OPRM1: variants seen among roughly 807,000 people sequenced by gnomAD.
OPRM1 encodes the protein mu-type opioid receptor.
Under a neutral mutation model 31.8 loss-of-function variants are expected in OPRM1, and 27 were observed. That is an observed-to-expected ratio of 0.85 (90% CI 0.63 to 1.17). The LOEUF (loss-of-function observed/expected upper bound fraction) is 1.17. OPRM1 is among the 50% of genes most tolerant of loss of function. The pLI, the probability that OPRM1 is intolerant of heterozygous loss-of-function variation, is 0.00. For missense variants in OPRM1, 536 were observed against 511.1 expected (o/e 1.05, Z -0.47); for synonymous variants, 196 against 189.9 (o/e 1.03, Z -0.26).
intron 3 of OPRM1, among the ~76,000 whole-genome samples, chr6:154,179,106 A>G (rs1435067367): frequency 6.6e-6 from 1 of 152,168 alleles, no homozygotes; most frequent in Admixed American, 6.6e-5. Context: ...AGGTCTTCAC[A>G]GGGCCATAAA....
At position 154,091,820 on chromosome 6, in the gene OPRM1, A is replaced by C. The variant is rs888151567; in HGVS notation, c.1164+348A>C. On this transcript the variant is annotated intron_variant, in intron 3 of 3. Coordinates refer to ENST00000330432, the MANE Select transcript of OPRM1 (RefSeq NM_000914.5). ...TTCATTTTCCCCAGAATTATTATATAATTCATAGATGTTGCTGCAATACCC... is the reference window on the plus strand; with the variant it reads ...TTCATTTTCCCCAGAATTATTATATCATTCATAGATGTTGCTGCAATACCC... 3.7e-5 allele frequency: 38 copies of C among 1,022,052 alleles called. No homozygotes were observed. In the African/African-American group the frequency reaches 5.7e-4, roughly 15 times the overall value. 63.3% of individuals were successfully genotyped at this position (1,022,052 alleles called of 1,614,324 possible).
intron 1 of OPRM1, chr6:154,087,769 C>A: frequency 5.9e-6 from 1 of 169,744 alleles, no homozygotes; most frequent in Non-Finnish European, 1.2e-5. Context: ...ATGAGTGGTT[C>A]CCAGAGTGAA....
intron 3 of OPRM1, among the ~76,000 whole-genome samples, chr6:154,102,490 G>C (rs948694493): frequency 2.0e-5 from 3 of 151,982 alleles, no homozygotes; most frequent in African/African-American, 7.3e-5. Context: ...TTCATCTCTT[G>C]TAAATAGCAT....
rs1184427296 is a variant in OPRM1 at position 154,127,912 on chromosome 6, G to A, written c.*9191G>A. Among the ~76,000 whole-genome samples the A allele has an allele frequency of 3.3e-5, 5 of 152,198 alleles. No individual in the cohort carries two copies. The highest frequency in any genetic ancestry group is 3.3e-4 in the Admixed American group (5 of 15,278). Reference sequence around the variant, plus strand: ...ACCCAGTGCTCTGTCTCAGTGGTAAGCTGTAACTGATCACTGCTGTATTAA... The same window carrying A: ...ACCCAGTGCTCTGTCTCAGTGGTAAACTGTAACTGATCACTGCTGTATTAA... On this transcript the variant is annotated 3_prime_UTR_variant, in exon 4 of 4. Coordinates refer to ENST00000330432, the MANE Select transcript of OPRM1 (RefSeq NM_000914.5).
intron 1 of OPRM1, among the ~76,000 whole-genome samples, chr6:154,048,048 T>C (rs1781500346): frequency 6.6e-6 from 1 of 152,108 alleles, no homozygotes; most frequent in Admixed American, 6.5e-5. Context: ...CCTAATCACC[T>C]CCCAAAGGCC....
At chr6:154,096,303 G>T (rs145393979) in intron 3 of OPRM1, among the ~76,000 whole-genome samples, 7 of 151,946 alleles carry the variant, frequency 4.6e-5, no homozygotes, top group African/African-American at 1.7e-4. Context: ...CAAGTGATCC[G>T]CCCACCTCAG....
downstream of OPRM1, among the ~76,000 whole-genome samples, chr6:154,135,482 T>G (rs201759049): frequency 1.7e-5 from 2 of 115,824 alleles, no homozygotes; most frequent in Admixed American, 1.8e-4. Context: ...AAAAAATATA[T>G]AGATAGATAT....
chr6:154,134,478 G>T (rs561870420), downstream of OPRM1, among the ~76,000 whole-genome samples: 2 of 152,156 alleles, frequency 1.3e-5, no homozygotes, highest in Non-Finnish European at 1.5e-5. Flanking sequence ...AATGGCCCTG[G>T]TTCTGAAGCT....
chr6:154,196,169 C>T lies in OPRM1; in HGVS notation c.1165-50524C>T, dbSNP rs192604294. The stretch of plus-strand genomic sequence containing the variant: ...TAGGTACTCAAAAAAATGATATATA[C>T]ACAATATAATAATGCAAAATTGAAT... On this transcript the variant is annotated intron_variant, in intron 3 of 3. Coordinates refer to the OPRM1 transcript ENST00000337049. Among the ~76,000 whole-genome samples the T allele has an allele frequency of 2.2e-3, 332 of 152,188 alleles. 1 individual carries two copies. The highest frequency in any genetic ancestry group is 2.1e-3 in the Non-Finnish European group (141 of 68,002).
chr6:154,212,366 T>C (rs1465446987), intron 3 of OPRM1, among the ~76,000 whole-genome samples: 3 of 152,236 alleles, frequency 2.0e-5, no homozygotes, highest in Admixed American at 2.0e-4. Context: ...TCCTTTTTTC[T>C]TTCTGCTCTT....
chr6:154,178,253 C>A (rs1411237005), intron 3 of OPRM1, among the ~76,000 whole-genome samples: 1 of 151,888 alleles, frequency 6.6e-6, no homozygotes, highest in Non-Finnish European at 1.5e-5. Context: ...CAAACCTGCA[C>A]GTTGTGCACA....
At chr6:154,231,700 A>G (rs568650180) in intron 3 of OPRM1, among the ~76,000 whole-genome samples, 1 of 152,354 alleles carries the variant, frequency 6.6e-6, no homozygotes, top group Non-Finnish European at 1.5e-5. Context: ...GAAAAGAAAC[A>G]TGGGAAAATA....
At chr6:154,042,574 C>T (rs1022657574) in intron 1 of OPRM1, among the ~76,000 whole-genome samples, 2 of 152,134 alleles carry the variant, frequency 1.3e-5, no homozygotes, top group Non-Finnish European at 2.9e-5. Context: ...CTAACATGGA[C>T]GCTGTGATTA....
intron 1 of OPRM1, among the ~76,000 whole-genome samples, chr6:154,019,006 T>C (rs940350396): frequency 8.5e-5 from 13 of 152,156 alleles, no homozygotes; most frequent in Non-Finnish European, 8.8e-5. Context: ...TATATACTTA[T>C]AGGGTACATG....
In OPRM1 at chr6:154,039,843, A is replaced by G. The variant is rs2128394646; in HGVS notation, c.290+9A>G. 1 of 1,568,006 alleles carries G rather than the reference A, an allele frequency of 6.4e-7. No individual in the cohort carries two copies. Among genetic ancestry groups the G allele is most frequent in the African/African-American group, 1.3e-5 (1 of 74,532 alleles). ...ATGTATGTGATTGTCAGGTAAGGAA[A>G]GCGCCAGGGCTCCGAGCGGAGGGTT... On this transcript the variant is annotated intron_variant, in intron 1 of 3. Transcript: ENST00000330432.
chr6:154,202,742 T>C (rs1020905102), intron 3 of OPRM1, among the ~76,000 whole-genome samples: 21 of 152,304 alleles, frequency 1.4e-4, no homozygotes, highest in African/African-American at 4.3e-4. Context: ...ATCTGTGAAG[T>C]GTCATCGTGT....
chr6:154,086,738 C>T (rs1457326389), intron 1 of OPRM1: 30 of 985,080 alleles, frequency 3.0e-5, no homozygotes, highest in Non-Finnish European at 3.5e-5. Flanking sequence ...CATAAAACAC[C>T]ATTAAAGATA....
chr6:154,104,155 G>A (rs544205), intron 3 of OPRM1, among the ~76,000 whole-genome samples: 99,380 of 151,444 alleles, frequency 0.66, 32,980 homozygotes, highest in East Asian at 0.9. Context: ...GCTATTAGGG[G>A]CTCTTGTGTT....
chr6:154,179,499 G>T (rs547786298), intron 3 of OPRM1, among the ~76,000 whole-genome samples: 1 of 151,876 alleles, frequency 6.6e-6, no homozygotes, highest in Non-Finnish European at 1.5e-5. Context: ...AATTATTTCC[G>T]CCCCCCCTTA....
Sources: allele counts gnomAD v4.1 joint callset (sites outside exome capture counted in the v4.1 genomes callset), GRCh38; gene constraint gnomAD v4.1.1; transcripts MANE v1.5; gene names NCBI Gene and HGNC (gene_info 2026-07-23, HGNC 2026-07-21).